C7: variants seen among roughly 807,000 people sequenced by gnomAD.
C7 encodes the protein complement C7.
A neutral mutation model predicts 104.8 loss-of-function variants in C7; 83 were observed. The observed-to-expected ratio is 0.79, with a 90% CI of 0.66 to 0.95. The LOEUF is 0.95. C7 is among the 40% of genes least tolerant of loss of function. The pLI is 0.00. For synonymous variants in C7, 415 were observed against 360.6 expected (o/e 1.15, Z -1.71); for missense variants, 1,070 against 1,011.2 (o/e 1.06, Z -0.79).
chr5:40,941,301 T>C (rs1739931394), intron 6 of C7, among the ~76,000 whole-genome samples: 1 of 151,938 alleles, frequency 6.6e-6, no homozygotes, highest in Non-Finnish European at 1.5e-5. Flanking sequence ...TGTCCTCAAG[T>C]GATCCACCCG....
rs878983580 is a variant in C7 at position 40,934,444 on chromosome 5, A to G, written c.258A>G (p.Gly86=). The G allele has an allele frequency of 9.3e-6, 15 of 1,613,774 alleles. No individual in the cohort carries two copies. The highest frequency in any genetic ancestry group is 1.2e-5 in the Non-Finnish European group (14 of 1,179,702). ...TRGCPTEEGC[G]ERFRCFSGQC... ...GATGTCCAACAGAGGAGGGATGTGG[A>G]GAGCGTTTCAGGTGCTTTTCAGGTA... is the stretch of plus-strand genomic sequence containing the variant. Residue 86 remains glycine, a synonymous_variant, in exon 4 of 18, where the codon GGA becomes GGG. Transcript: ENST00000313164.
chr5:40,914,753 A>G (rs559978338), intron 1 of C7, among the ~76,000 whole-genome samples: 3 of 152,204 alleles, frequency 2.0e-5, no homozygotes, highest in East Asian at 1.9e-4. Flanking sequence ...GGCCATCCCT[A>G]TTCTCAAGAG....
intron 10 of C7, among the ~76,000 whole-genome samples, chr5:40,955,892 G>A (rs890329807): frequency 6.6e-6 from 1 of 152,156 alleles, no homozygotes; most frequent in Admixed American, 6.6e-5. Context: ...AAGGCATGAA[G>A]TTTTGCCTTC....
intron 15 of C7, among the ~76,000 whole-genome samples, chr5:40,973,495 G>A (rs191310464): frequency 1.1e-4 from 16 of 152,266 alleles, no homozygotes; most frequent in Admixed American, 6.5e-4. Flanking sequence ...AGTTCTCCAT[G>A]CGACAGGGTA....
At chr5:40,924,542 TG>T (rs200947908) in intron 1 of C7, among the ~76,000 whole-genome samples, 4 of 152,140 alleles carry the variant, frequency 2.6e-5, no homozygotes, top group Admixed American at 2.0e-4. Context: ...GGGGACTGTG[TG>T]GGGGGGTTCC....
intron 7 of C7, among the ~76,000 whole-genome samples, chr5:40,946,227 T>A (rs911915065): frequency 3.9e-5 from 6 of 152,304 alleles, no homozygotes; most frequent in Admixed American, 1.3e-4. Context: ...TTTAAATACT[T>A]CATTGTTTTG....
At chr5:40,969,210 G>A (rs1167230022) in intron 14 of C7, among the ~76,000 whole-genome samples, 3 of 152,044 alleles carry the variant, frequency 2.0e-5, no homozygotes, top group Admixed American at 6.5e-5. Flanking sequence ...TGTGTAAACA[G>A]TGTGTAATAA....
At chr5:40,921,642 C>T (rs976384817) in intron 1 of C7, among the ~76,000 whole-genome samples, 1 of 151,578 alleles carries the variant, frequency 6.6e-6, no homozygotes, top group African/African-American at 2.4e-5. Flanking sequence ...AAATAGCATA[C>T]TACTGTCCTA....
chr5:40,980,073 G>A (rs1740910373), intron 17 of C7, 164 bp downstream of exon 17: 3 of 468,708 alleles, frequency 6.4e-6, no homozygotes, highest in Non-Finnish European at 1.1e-5. Context: ...ACCCCTCACT[G>A]GAGAAGGGCA....
chr5:40,922,173 A>C (rs556323381), intron 1 of C7, among the ~76,000 whole-genome samples: 4 of 148,418 alleles, frequency 2.7e-5, no homozygotes, highest in Admixed American at 1.3e-4. Flanking sequence ...TCAGGAGTTC[A>C]AGACCAGCCT....
intron 14 of C7, chr5:40,972,056 A>G (rs530697624): frequency 2.1e-6 from 1 of 474,076 alleles, no homozygotes; most frequent in African/African-American, 2.0e-5. Context: ...CTCCTGGTGG[A>G]ACATCACTAG....
At chr5:40,917,469 A>G (rs1441270481) in intron 1 of C7, among the ~76,000 whole-genome samples, 1 of 152,100 alleles carries the variant, frequency 6.6e-6, no homozygotes, top group African/African-American at 2.4e-5. Context: ...TTCTTTTTTT[A>G]AGGCCAAGTA....
In C7 at chr5:40,972,572, G is replaced by T; in HGVS notation, c.2052G>T (p.Lys684Asn). ...GSSLKWSPEM[K>N]NARCVQKENP... The stretch of plus-strand genomic sequence containing the variant: ...GCCTTAAGTGGAGTCCTGAGATGAA[G>T]AATGCCCGCTGTGTACAAAAAGGTG... Residue 684 changes from lysine to asparagine, a missense_variant, in exon 15 of 18, where the codon AAG (lysine) becomes AAT (asparagine). Coordinates refer to ENST00000313164, the MANE Select transcript of C7 (RefSeq NM_000587.4). 1 of 1,607,714 alleles carries T rather than the reference G, an allele frequency of 6.2e-7. No homozygotes were observed. Among genetic ancestry groups the T allele is most frequent in the Non-Finnish European group, 8.5e-7 (1 of 1,177,020 alleles).
intron 1 of C7, among the ~76,000 whole-genome samples, chr5:40,924,418 T>A (rs1195310917): frequency 6.6e-6 from 1 of 152,156 alleles, no homozygotes; most frequent in African/African-American, 2.4e-5. Context: ...TGGGTTGGAG[T>A]TGAGTGCCTA....
chr5:40,920,173 T>G (rs1450359695), intron 1 of C7, among the ~76,000 whole-genome samples: 1 of 152,130 alleles, frequency 6.6e-6, no homozygotes, highest in Non-Finnish European at 1.5e-5. Context: ...ATCAACAAAT[T>G]GGATAACTAA....
At chr5:40,938,698 T>C (rs2111603957) in intron 6 of C7, among the ~76,000 whole-genome samples, 1 of 152,370 alleles carries the variant, frequency 6.6e-6, no homozygotes, top group East Asian at 1.9e-4. Context: ...ATTTTGCTTA[T>C]GATCTCAGAT....
chr5:40,965,330 A>T (rs377742563), intron 14 of C7, among the ~76,000 whole-genome samples: 2 of 152,172 alleles, frequency 1.3e-5, no homozygotes, highest in Non-Finnish European at 2.9e-5. Context: ...GCAAATGAAT[A>T]GGCCGAGCTG....
chr5:40,910,505 C>T (rs1182208689), intron 1 of C7, among the ~76,000 whole-genome samples: 1 of 151,996 alleles, frequency 6.6e-6, no homozygotes, highest in East Asian at 1.9e-4. Context: ...CTTGATTAAG[C>T]CATGCCTTCT....
At chr5:40,935,320 A>G (rs969894797) in intron 4 of C7, among the ~76,000 whole-genome samples, 2 of 152,178 alleles carry the variant, frequency 1.3e-5, no homozygotes, top group Non-Finnish European at 2.9e-5. Flanking sequence ...CCTTGAAGAC[A>G]TGAATTATAT....
Sources: allele counts gnomAD v4.1 joint callset (sites outside exome capture counted in the v4.1 genomes callset), GRCh38; gene constraint gnomAD v4.1.1; transcripts MANE v1.5; gene names NCBI Gene and HGNC (gene_info 2026-07-23, HGNC 2026-07-21).